PLCH2: variants seen among roughly 807,000 people sequenced by gnomAD.
PLCH2 encodes phospholipase C eta 2, also known as 1-phosphatidylinositol 4,5-bisphosphate phosphodiesterase eta-2.
In PLCH2, 98 loss-of-function variants were observed where a neutral mutation model predicts 134.7. The ratio of observed to expected loss-of-function variants is 0.73; its 90% CI spans 0.62 to 0.86. The LOEUF (loss-of-function observed/expected upper bound fraction) is 0.86. Ranked by LOEUF, PLCH2 falls within the 40% of genes least tolerant of loss-of-function variation. The pLI is 0.00. For synonymous variants in PLCH2, 974 were observed against 827.5 expected (o/e 1.18, Z -3.04); for missense variants, 1,994 against 1,986.6 (o/e 1.00, Z -0.07).
At chr1:2,456,853 C>A (rs34488412) in intron 2 of PLCH2, among the ~76,000 whole-genome samples, 17,243 of 152,156 alleles carry the variant, frequency 0.11, 1,047 homozygotes, top group East Asian at 0.24. Context: ...CGTGCTGGGT[C>A]TGCGGAGAGC....
At position 2,434,789 on chromosome 1, in the gene PLCH2, G is replaced by A. The variant is rs536790182; in HGVS notation, c.115+4160G>A. On this transcript the variant is annotated intron_variant, in intron 2 of 3. Transcript: ENST00000609981. ...TGCAAGCTCCTCTCCCTGGTGCCAC[G>A]TGCACTGATGATGTGCTTCACCTGG... is the stretch of plus-strand genomic sequence containing the variant. 1.0e-3 allele frequency among the ~76,000 whole-genome samples: 158 copies of A among 152,328 alleles called. 1 individual carries two copies. The highest frequency in any genetic ancestry group is 1.9e-3 in the South Asian group (9 of 4,824).
upstream of PLCH2, among the ~76,000 whole-genome samples, chr1:2,424,796 G>T (rs1407717985): frequency 6.6e-6 from 1 of 152,172 alleles, no homozygotes; most frequent in Non-Finnish European, 1.5e-5. Flanking sequence ...GACCATCCTG[G>T]CTAACACAGT....
rs111307904 is a variant in PLCH2, at chr1:2,481,700, A to T, written c.645+1388A>T. ...GAATGGCGAGGTAGCTGTTGCTGTCAGGTTACCGGCCTGGCACTCCAGCCC... is the reference window on the plus strand; with the variant it reads ...GAATGGCGAGGTAGCTGTTGCTGTCTGGTTACCGGCCTGGCACTCCAGCCC... On this transcript the variant is annotated intron_variant, in intron 4 of 21. Transcript: ENST00000378486. 2.2e-3 allele frequency among the ~76,000 whole-genome samples: 330 copies of T among 152,332 alleles called. 2 individuals are homozygous for T. The highest frequency in any genetic ancestry group is 7.4e-3 in the African/African-American group (309 of 41,580).
Position 2,459,425 on chromosome 1 carries a change from C to CTGGTGGT in PLCH2, c.116-19051_116-19050insTGGTGGT, listed in dbSNP as rs1557969476. ...TTCTCCTTCCTGGTGGTCCTCCTTG[C>CTGGTGGT]CGGTGGTCCTCCTTGCCGGTGGTCC... On this transcript the variant is annotated intron_variant, in intron 2 of 3. Coordinates refer to the PLCH2 transcript ENST00000609981. 9.0e-3 allele frequency among the ~76,000 whole-genome samples: 660 copies of CTGGTGGT among 73,078 alleles called. 150 individuals are homozygous for CTGGTGGT. The highest frequency in any genetic ancestry group is 0.015 in the South Asian group (27 of 1,798). 47.9% of individuals were successfully genotyped at this position (73,078 alleles called of 152,430 possible).
the PLCH2 span, among the ~76,000 whole-genome samples, chr1:2,416,540 A>C: frequency 2.0e-5 from 3 of 148,298 alleles, no homozygotes; most frequent in Admixed American, 6.7e-5. Context: ...GTACCTGCAG[A>C]GTGTGAGCTG....
At chr1:2,450,149 C>T (rs1012251111) in intron 2 of PLCH2, among the ~76,000 whole-genome samples, 1 of 152,230 alleles carries the variant, frequency 6.6e-6, no homozygotes, top group Non-Finnish European at 1.5e-5. Flanking sequence ...GAGGTGGCTT[C>T]ATCCGTTGCT....
chr1:2,472,684 G>A (rs538419350), upstream of PLCH2, among the ~76,000 whole-genome samples: 1 of 152,302 alleles, frequency 6.6e-6, no homozygotes, highest in East Asian at 1.9e-4. Flanking sequence ...GACACGGGTG[G>A]GCCCAGGGAG....
Position 2,504,388 on chromosome 1 carries a change from C to T in PLCH2, c.3426C>T (p.Ser1142=), listed in dbSNP as rs768045322. 82 of 1,612,180 alleles carry T rather than the reference C, an allele frequency of 5.1e-5. 1 individual carries two copies. In the South Asian group the frequency reaches 5.3e-4, roughly 10 times the overall value. The change falls in exon 22 of 22, where the codon AGC becomes AGT. Residue 1142 remains serine (S), a synonymous_variant. Coordinates refer to ENST00000378486, the MANE Select transcript of PLCH2 (RefSeq NM_014638.4). Reference sequence around the variant, plus strand: ...TGGAGCCATGTGGCCACCGAGACAGCGTTTCCTCCTCCTCCAGCATGTCAT... The same window carrying T: ...TGGAGCCATGTGGCCACCGAGACAGTGTTTCCTCCTCCTCCAGCATGTCAT... ...QRLEPCGHRD[S]VSSSSSMSSS...
At chr1:2,459,030 GC>G (rs201652991) in intron 2 of PLCH2, among the ~76,000 whole-genome samples, 3,324 of 152,322 alleles carry the variant, frequency 0.022, 76 homozygotes, top group Middle Eastern at 0.031. Context: ...TAGTGACCTG[GC>G]CCCCTCATTG....
chr1:2,464,838 C>G (rs1202632048), upstream of PLCH2, among the ~76,000 whole-genome samples: 1 of 152,236 alleles, frequency 6.6e-6, no homozygotes, highest in Non-Finnish European at 1.5e-5. Flanking sequence ...GCATGGAGGT[C>G]AGGGCAGCAC....
chr1:2,483,493 CT>C (rs1314553428), intron 4 of PLCH2, among the ~76,000 whole-genome samples: 1 of 152,162 alleles, frequency 6.6e-6, no homozygotes, highest in Non-Finnish European at 1.5e-5. Flanking sequence ...CCCTTTGGGC[CT>C]GGTGTTCCTC....
chr1:2,498,823 A>G lies in PLCH2; in HGVS notation c.2429A>G (p.Asp810Gly). ...AGGGAGCAGACCCGCGTGGTGGACG[A>G]CAACGGTGAGGCTGGGCCGTGGCTC... ...CSREQTRVVD[D>G]NGFNPTWEET... is the part of the protein sequence containing the mutation. The change falls in exon 18 of 22, where the codon GAC becomes GGC. Residue 810 changes from aspartate (D) to glycine (G), a missense_variant. Around this residue, in one of 2 missense-constraint regions of PLCH2, gnomAD observed 1,094 missense variants for 1,234.3 expected, o/e 0.89. Transcript: ENST00000378486. The surrounding 1 kb of genome is among the most constrained non-coding windows in gnomAD (Gnocchi z 5.4). 6.2e-7 allele frequency: 1 copy of G among 1,608,062 alleles called. No individual in the cohort carries two copies. Among genetic ancestry groups the G allele is most frequent in the South Asian group, 1.1e-5 (1 of 90,414 alleles).
At position 2,487,628 on chromosome 1, in the gene PLCH2, C is replaced by G; in HGVS notation, c.1145C>G (p.Pro382Arg). The G allele has an allele frequency of 6.2e-7, 1 of 1,613,340 alleles. No individual in the cohort carries two copies. The highest frequency in any genetic ancestry group is 8.5e-7 in the Non-Finnish European group (1 of 1,179,806). Reference protein sequence around the residue: ...VDCWDGPDGEPIVHHGYTLTS... With the variant: ...VDCWDGPDGERIVHHGYTLTS... ...TGCTGGGATGGGCCCGACGGGGAGC[C>G]CATTGTGCACCATGGCTACACTCTG... The change falls in exon 8 of 22, where the codon CCC becomes CGC. Residue 382 changes from proline (P) to arginine (R), a missense_variant. Around this residue, in one of 2 missense-constraint regions of PLCH2, gnomAD observed 1,094 missense variants for 1,234.3 expected, o/e 0.89. Transcript: ENST00000378486.
Position 2,439,830 on chromosome 1 carries a change from C to G in PLCH2, c.115+9201C>G, listed in dbSNP as rs571144721. Among the ~76,000 whole-genome samples the G allele has an allele frequency of 6.6e-6, 1 of 152,266 alleles. No individual in the cohort carries two copies. The highest frequency in any genetic ancestry group is 1.9e-4 in the East Asian group (1 of 5,152). On this transcript the variant is annotated intron_variant, in intron 2 of 3. Transcript: ENST00000609981. This position sits in a 1 kb window ranked among gnomAD's most constrained non-coding sequence, Gnocchi z 4.7. ...TGCCTGAGAGACACCGCAGCCAGGC[C>G]TGGCTGGAGTGTTCGAGGGCAGCGG... is the stretch of plus-strand genomic sequence containing the variant.
chr1:2,428,666 C>T (rs567935001), intron 1 of PLCH2, among the ~76,000 whole-genome samples: 44 of 152,384 alleles, frequency 2.9e-4, no homozygotes, highest in African/African-American at 8.2e-4. Context: ...TGTCGGGGCA[C>T]GGCTCCTGCA....
chr1:2,427,734 G>A lies in PLCH2; in HGVS notation c.-178+1697G>A, dbSNP rs548253535. On this transcript the variant is annotated intron_variant, in intron 1 of 3. Coordinates refer to the PLCH2 transcript ENST00000609981. ...CGCGATCCAAGGGACACAGCGTGAG[G>A]GGCCACCGCAGGTATTGAAACAGAA... Among the ~76,000 whole-genome samples, 11 of 152,290 alleles carry A rather than the reference G, an allele frequency of 7.2e-5. No homozygotes were observed. In the South Asian group the frequency reaches 2.3e-3, roughly 32 times the overall value.
At chr1:2,496,126 C>T (rs2100716255) in intron 13 of PLCH2, among the ~76,000 whole-genome samples, 1 of 152,264 alleles carries the variant, frequency 6.6e-6, no homozygotes, top group African/African-American at 2.4e-5. Flanking sequence ...TTCCTCCGTG[C>T]CCCTCGCCTG....
upstream of PLCH2, among the ~76,000 whole-genome samples, chr1:2,424,297 CT>C (rs1251479996): frequency 9.7e-6 from 1 of 102,750 alleles, no homozygotes; most frequent in African/African-American, 4.0e-5. Flanking sequence ...CACAACAGAA[CT>C]AAAAAATTCC....
chr1:2,478,388 G>C, intron 1 of PLCH2, 88 bp from the exon 2 acceptor site: 1 of 1,502,794 alleles, frequency 6.7e-7, no homozygotes, highest in Non-Finnish European at 9.1e-7. Context: ...TCTCCCGTGA[G>C]GAGTGGCCGT....
Sources: gnomAD v4.1 joint callset for allele counts (sites outside exome capture counted in the v4.1 genomes callset) on GRCh38, gnomAD v4.1.1 for gene constraint, gnomAD v4.1.1 regional missense constraint, Gnocchi (gnomAD v3.1) non-coding constraint, MANE v1.5 for transcripts, NCBI Gene and HGNC (gene_info 2026-07-23, HGNC 2026-07-21) for gene names.